The following UGT1A4 variants were observed in gnomAD, a reference collection of about 807,000 sequenced individuals.
UGT1A4 encodes UDP-glucuronosyltransferase 1A4.
UGT1A4 carries 32 observed loss-of-function variants against 41.1 expected under a neutral mutation model. That is an observed-to-expected ratio of 0.78 (90% CI 0.59 to 1.05). UGT1A4 has a LOEUF of 1.05. Ranked by LOEUF, UGT1A4 falls within the 50% of genes least tolerant of loss-of-function variation. The probability of loss-of-function intolerance (pLI) is 0.00; values close to 1 mark genes in which losing one functional copy is unlikely to be tolerated. For missense variants in UGT1A4, 748 were observed against 677.4 expected (o/e 1.10, Z -1.16); for synonymous variants, 283 against 265.1 (o/e 1.07, Z -0.66).
At chr2:233,752,307 G>C (rs1030795011) in intron 1 of UGT1A4, 2 of 152,160 alleles carry the variant, frequency 1.3e-5, no homozygotes, top group African/African-American at 4.8e-5. Context: ...TTCCTTGCCC[G>C]GTGTGCTTGG....
At chr2:233,724,315 G>T (rs1179998085) in intron 1 of UGT1A4, among the ~76,000 whole-genome samples, 3 of 148,806 alleles carry the variant, frequency 2.0e-5, no homozygotes, top group African/African-American at 5.0e-5. Context: ...CTCCCGGACG[G>T]GGCGGCTGGC....
intron 1 of UGT1A4, chr2:233,743,204 C>A (rs187896113): frequency 1.0e-4 from 39 of 388,848 alleles, no homozygotes; most frequent in Non-Finnish European, 1.8e-4. Flanking sequence ...GGTGTCAATG[C>A]GGAGTAACTG....
chr2:233,767,666 C>T (rs143192680), intron 2 of UGT1A4, among the ~76,000 whole-genome samples, 183 bp from the exon 3 acceptor site: 1 of 152,190 alleles, frequency 6.6e-6, no homozygotes, highest in East Asian at 1.9e-4. Flanking sequence ...ACCCTTGTAA[C>T]TAAACCTCCA....
intron 1 of UGT1A4, among the ~76,000 whole-genome samples, chr2:233,725,530 A>T (rs1438339071): frequency 6.6e-6 from 1 of 152,162 alleles, no homozygotes; most frequent in African/African-American, 2.4e-5. Context: ...TTGTTTAACC[A>T]GACATATCAC....
intron 1 of UGT1A4, among the ~76,000 whole-genome samples, chr2:233,738,283 A>G (rs1177396834): frequency 6.6e-6 from 1 of 152,176 alleles, no homozygotes; most frequent in African/African-American, 2.4e-5. Context: ...TTTATAAATT[A>G]CCCAGTCTTG....
rs780016114 is a variant in UGT1A4, at chr2:233,760,397, G to T, written c.868-6637G>T. 2.0e-5 allele frequency: 33 copies of T among 1,614,006 alleles called. No homozygotes were observed. The highest frequency in any genetic ancestry group is 2.7e-5 in the Non-Finnish European group (32 of 1,180,022). The stretch of plus-strand genomic sequence containing the variant: ...AAGATACTGTTGATCCCAGTGGATG[G>T]CAGCCACTGGCTGAGCATGCTTGGG... On this transcript the variant is annotated intron_variant, in intron 1 of 4. Coordinates refer to ENST00000373409, the MANE Select transcript of UGT1A4 (RefSeq NM_007120.3).
intron 1 of UGT1A4, among the ~76,000 whole-genome samples, chr2:233,757,560 A>ATATATATATATATATATATATATG (rs904896556): frequency 5.7e-5 from 7 of 123,150 alleles, no homozygotes; most frequent in African/African-American, 2.4e-4. Context: ...ATATATATAT[A>ATATATATATATATATATATATATG]TGTATATATG....
chr2:233,758,383 T>C (rs1384884444), intron 1 of UGT1A4, among the ~76,000 whole-genome samples: 2 of 152,192 alleles, frequency 1.3e-5, no homozygotes, highest in East Asian at 3.8e-4. Context: ...AGTGGTGACT[T>C]ATGTGTTTAT....
chr2:233,760,523 A>G lies in UGT1A4; in HGVS notation c.868-6511A>G, dbSNP rs1697475352. 6.2e-7 allele frequency: 1 copy of G among 1,614,204 alleles called. No individual in the cohort carries two copies. The highest frequency in any genetic ancestry group is 8.5e-7 in the Non-Finnish European group (1 of 1,180,040). On this transcript the variant is annotated intron_variant, in intron 1 of 4. Coordinates refer to ENST00000373409, the MANE Select transcript of UGT1A4 (RefSeq NM_007120.3). ...GGAGCATTTTACACCTTGAAGACGT[A>G]CCCTGTGCCATTCCAAAGGGAGGAT...
At chr2:233,737,682 C>T (rs555307155) in intron 1 of UGT1A4, among the ~76,000 whole-genome samples, 163 of 152,234 alleles carry the variant, frequency 1.1e-3, no homozygotes, top group Non-Finnish European at 1.9e-3. Flanking sequence ...CCTATTTGGC[C>T]ATTGGTGCTG....
intron 1 of UGT1A4, chr2:233,747,256 G>C: frequency 6.2e-7 from 1 of 1,600,772 alleles, no homozygotes; most frequent in Non-Finnish European, 8.5e-7. Flanking sequence ...GCTGGCCACA[G>C]GAGTGCTACT....
At chr2:233,729,376 T>C in intron 1 of UGT1A4, 1 of 1,614,080 alleles carries the variant, frequency 6.2e-7, no homozygotes, top group Non-Finnish European at 8.5e-7. Flanking sequence ...TGCCATTTCG[T>C]GGACCCAGGA....
Position 233,744,108 on chromosome 2 carries a change from T to A in UGT1A4, c.868-22926T>A, listed in dbSNP as rs537609237. 59 of 394,748 alleles carry A rather than the reference T, an allele frequency of 1.5e-4. No individual in the cohort carries two copies. The East Asian group carries it at 2.4e-3, about 16-fold the overall frequency. The allele number at this position is 394,748 out of a possible 1,614,324, so 24.5% of individuals were successfully genotyped here. On this transcript the variant is annotated intron_variant, in intron 1 of 4. Coordinates refer to ENST00000373409, the MANE Select transcript of UGT1A4 (RefSeq NM_007120.3). ...GATGCAGTGCTTCTGGGACTGGCCC[T>A]GCTCTCTGTGAGGCTCTGTGAGGCC...
At chr2:233,760,837 A>G in intron 1 of UGT1A4, 2 of 1,613,782 alleles carry the variant, frequency 1.2e-6, no homozygotes, top group Non-Finnish European at 1.7e-6. Flanking sequence ...ATTTGAGGCT[A>G]CCCAGTGCCC....
chr2:233,766,888 A>G, intron 1 of UGT1A4, 146 bp from the exon 2 acceptor site: 1 of 1,462,694 alleles, frequency 6.8e-7, no homozygotes. Flanking sequence ...TGTAAAACTT[A>G]CATATTAATA....
At chr2:233,751,848 C>A (rs1317042286) in intron 1 of UGT1A4, among the ~76,000 whole-genome samples, 1 of 152,136 alleles carries the variant, frequency 6.6e-6, no homozygotes, top group African/African-American at 2.4e-5. Context: ...GTCATTTAAA[C>A]CTTTGTCTTT....
Position 233,755,903 on chromosome 2 carries a change from T to G in UGT1A4, c.868-11131T>G, listed in dbSNP as rs537567684. ...TTATGTAACTTTTTTTGAGACAAAATGTAGTGAGAAGAGTGGCATCGTTTT... is the reference window on the plus strand; with the variant it reads ...TTATGTAACTTTTTTTGAGACAAAAGGTAGTGAGAAGAGTGGCATCGTTTT... On this transcript the variant is annotated intron_variant, in intron 1 of 4. Transcript: ENST00000373409. 8 of 152,096 alleles carry G rather than the reference T, an allele frequency of 5.3e-5. No individual in the cohort carries two copies. The South Asian group carries it at 1.7e-3, about 32-fold the overall frequency. 9.4% of individuals were successfully genotyped at this position (152,096 alleles called of 1,614,324 possible). A position where few individuals can be genotyped will look rare whatever the true frequency, so the allele number is the denominator to read the frequency against.
chr2:233,759,108 C>T (rs1480612171), intron 1 of UGT1A4, among the ~76,000 whole-genome samples: 2 of 152,176 alleles, frequency 1.3e-5, no homozygotes, highest in African/African-American at 2.4e-5. Flanking sequence ...AGTTTGCAAA[C>T]CAGGGAGTTA....
chr2:233,720,612 AT>A (rs749616035), intron 1 of UGT1A4, among the ~76,000 whole-genome samples: 15 of 151,828 alleles, frequency 9.9e-5, no homozygotes, highest in Non-Finnish European at 2.1e-4. Context: ...AATACAGAAT[AT>A]TTGGGTTTCA....
Sources: allele counts gnomAD v4.1 joint callset (sites outside exome capture counted in the v4.1 genomes callset), GRCh38; gene constraint gnomAD v4.1.1; transcripts MANE v1.5; gene names NCBI Gene and HGNC (gene_info 2026-07-23, HGNC 2026-07-21).